The following PBX4 variants were observed in gnomAD, a reference collection of about 807,000 sequenced individuals.
PBX4 encodes the protein PBX homeobox 4, also known as pre-B-cell leukemia transcription factor 4.
PBX4 carries 26 observed loss-of-function variants against 35.1 expected under a neutral mutation model. That is an observed-to-expected ratio of 0.74 (90% CI 0.54 to 1.03). PBX4 has a LOEUF of 1.03. Among genes scored for constraint, PBX4 ranks in the 50% least tolerant of loss-of-function variants. The pLI is 0.00. For missense variants in PBX4, 448 were observed against 504.3 expected (o/e 0.89, Z 1.07); for synonymous variants, 199 against 204.2 (o/e 0.97, Z 0.22).
At chr19:19,605,416 AAAT>A (rs34936775) in intron 1 of PBX4, among the ~76,000 whole-genome samples, 1,982 of 139,330 alleles carry the variant, frequency 0.014, 47 homozygotes, top group African/African-American at 0.046. Flanking sequence ...CTCTGTCTCA[AAAT>A]AATAATAATA....
At chr19:19,570,542 A>C in intron 3 of PBX4, 44 bp downstream of exon 3, 1 of 1,603,304 alleles carries the variant, frequency 6.2e-7, no homozygotes, top group Non-Finnish European at 8.5e-7. Flanking sequence ...GCTTTGACAA[A>C]TGCGCATTCA....
At chr19:19,564,871 G>A (rs182188567) in intron 6 of PBX4, 62 bp downstream of exon 6, 1 of 1,601,950 alleles carries the variant, frequency 6.2e-7, no homozygotes, top group South Asian at 1.1e-5. Context: ...GGCCTCCCCA[G>A]ATGCAGCTCA....
chr19:19,599,431 A>G, intron 1 of PBX4, 66 bp from the exon 2 acceptor site: 1 of 1,393,536 alleles, frequency 7.2e-7, no homozygotes. Context: ...CCAAGAGTAA[A>G]GATCTTCCAT....
intron 2 of PBX4, among the ~76,000 whole-genome samples, chr19:19,572,656 G>C (rs186247883): frequency 6.6e-6 from 1 of 151,148 alleles, no homozygotes; most frequent in Admixed American, 6.6e-5. Context: ...CCTGAGGTCG[G>C]GAGTTCGAGA....
At position 19,570,299 on chromosome 19, in the gene PBX4, C is replaced by T; in HGVS notation, c.442G>A (p.Ala148Thr). The change falls in exon 4 of 8, where the codon GCC becomes ACC. Residue 148 changes from alanine to threonine, a missense_variant and splice_region_variant. By Grantham distance (58) the Ala-to-Thr change is moderately conservative. Coordinates refer to ENST00000251203, the MANE Select transcript of PBX4 (RefSeq NM_025245.3). ...ACGTGCGTGGTGAACTCACGACAGG[C>T]CTGGGGTGGGAGCACAGACACGCCG... Reference protein sequence around the residue: ...YHSELEKYEQACREFTTHVTN... With the variant: ...YHSELEKYEQTCREFTTHVTN... 1.3e-6 allele frequency: 2 copies of T among 1,597,382 alleles called. No individual in the cohort carries two copies. The highest frequency in any genetic ancestry group is 1.7e-6 in the Non-Finnish European group (2 of 1,169,180).
intron 1 of PBX4, chr19:19,608,018 T>C (rs2061641031): frequency 6.6e-6 from 1 of 152,120 alleles, no homozygotes; most frequent in Non-Finnish European, 1.5e-5. Flanking sequence ...CAAACCTAGG[T>C]ACAAACAAAA....
At position 19,618,641 on chromosome 19, in the gene PBX4, C is replaced by T; in HGVS notation, c.-12G>A. ...GGCGGGGCGGCCATGAGCGGCAGGGCCGGGCGGGCGCTGTGAGGGTGCCGT... is the reference window on the plus strand; with the variant it reads ...GGCGGGGCGGCCATGAGCGGCAGGGTCGGGCGGGCGCTGTGAGGGTGCCGT... On this transcript the variant is annotated 5_prime_UTR_variant, in exon 1 of 8. Transcript: ENST00000251203. The T allele has an allele frequency of 1.6e-6, 2 of 1,214,758 alleles. No individual in the cohort carries two copies. The highest frequency in any genetic ancestry group is 3.5e-5 in the East Asian group (1 of 28,804). The allele number at this position is 1,214,758 out of a possible 1,614,324, so 75.2% of individuals were successfully genotyped here.
chr19:19,572,854 CAAAAAAA>C (rs36044843), intron 2 of PBX4, among the ~76,000 whole-genome samples: 14 of 70,094 alleles, frequency 2.0e-4, no homozygotes, highest in South Asian at 9.5e-4. Context: ...GACTCCGTCT[CAAAAAAA>C]AAAAAAAAAA....
At chr19:19,575,236 CAAA>C (rs34956246) in intron 2 of PBX4, among the ~76,000 whole-genome samples, 3 of 93,658 alleles carry the variant, frequency 3.2e-5, no homozygotes, top group Non-Finnish European at 4.3e-5. Context: ...GACTCTGTCT[CAAA>C]AAAAAAAAAA....
At chr19:19,581,955 C>T (rs1004334865) in intron 2 of PBX4, among the ~76,000 whole-genome samples, 22 of 152,226 alleles carry the variant, frequency 1.4e-4, no homozygotes, top group African/African-American at 5.1e-4. Flanking sequence ...GAAGTGGTAC[C>T]GCCTGATTCC....
chr19:19,576,320 G>A (rs2061419304), intron 2 of PBX4, among the ~76,000 whole-genome samples: 1 of 152,096 alleles, frequency 6.6e-6, no homozygotes. Context: ...CCGACTCCTT[G>A]GTTCAAGCAA....
At chr19:19,578,365 C>T (rs983485218) in intron 2 of PBX4, among the ~76,000 whole-genome samples, 10 of 152,134 alleles carry the variant, frequency 6.6e-5, no homozygotes, top group Non-Finnish European at 1.3e-4. Flanking sequence ...TCCTCAGCAC[C>T]GTGCCTTTGT....
In PBX4 at chr19:19,563,484, C is replaced by T. The variant is rs1485115360; in HGVS notation, c.1032+25G>A. On this transcript the variant is annotated intron_variant, in intron 7 of 7. Coordinates refer to ENST00000251203, the MANE Select transcript of PBX4 (RefSeq NM_025245.3). This position sits in a 1 kb window ranked among gnomAD's most constrained non-coding sequence, Gnocchi z 5.1. ...TGAGAACCTACCACCCACCTGGGCG[C>T]TGTGGGACAGTGCCTGAGACTCACC... is the stretch of plus-strand genomic sequence containing the variant. The T allele has an allele frequency of 1.1e-5, 16 of 1,514,576 alleles. No homozygotes were observed. The Admixed American group carries it at 2.2e-4, about 21-fold the overall frequency. 93.8% of individuals were successfully genotyped at this position (1,514,576 alleles called of 1,614,324 possible). A position where few individuals can be genotyped will look rare whatever the true frequency, so the allele number is the denominator to read the frequency against.
intron 1 of PBX4, among the ~76,000 whole-genome samples, chr19:19,604,496 C>T (rs1386718129): frequency 7.5e-6 from 1 of 133,866 alleles, no homozygotes; most frequent in Non-Finnish European, 1.6e-5. Context: ...AACTGGGGTG[C>T]AGAACTAAGA....
chr19:19,574,893 C>G (rs569084391), intron 2 of PBX4, among the ~76,000 whole-genome samples: 21 of 152,186 alleles, frequency 1.4e-4, no homozygotes, highest in African/African-American at 5.1e-4. Context: ...CCATGTTGAA[C>G]AGGCTGGTCT....
In PBX4 at chr19:19,562,188, A is replaced by G; in HGVS notation, c.1033-71T>C. 3 of 1,195,908 alleles carry G rather than the reference A, an allele frequency of 2.5e-6. No homozygotes were observed. The highest frequency in any genetic ancestry group is 3.6e-6 in the Non-Finnish European group (3 of 844,278). 74.1% of individuals were successfully genotyped at this position (1,195,908 alleles called of 1,614,324 possible). ...GGTGACTACCCAGCCCACGTGCTGC[A>G]GGCGGAGCCTCCAGGGGTCCCTGGG... On this transcript the variant is annotated intron_variant, in intron 7 of 7. Transcript: ENST00000251203. This position sits in a 1 kb window ranked among gnomAD's most constrained non-coding sequence, Gnocchi z 4.8.
chr19:19,570,058 C>T, intron 4 of PBX4, 51 bp downstream of exon 4: 1 of 1,520,554 alleles, frequency 6.6e-7, no homozygotes, highest in Admixed American at 2.0e-5. Flanking sequence ...CTATTTCCCT[C>T]CAGTCCCTCA....
intron 1 of PBX4, among the ~76,000 whole-genome samples, chr19:19,601,075 C>G (rs1452814206): frequency 6.6e-6 from 1 of 151,998 alleles, no homozygotes; most frequent in East Asian, 1.9e-4. Context: ...AGTGAGACAC[C>G]AAAAATACAC....
chr19:19,609,533 G>A (rs1416212879), intron 1 of PBX4, among the ~76,000 whole-genome samples: 1 of 94,276 alleles, frequency 1.1e-5, no homozygotes, highest in Admixed American at 1.4e-4. Flanking sequence ...TGGGCAACAA[G>A]AGCAAAAATC....
Sources: gnomAD v4.1 joint callset for allele counts (sites outside exome capture counted in the v4.1 genomes callset) on GRCh38, gnomAD v4.1.1 for gene constraint, Gnocchi (gnomAD v3.1) non-coding constraint, MANE v1.5 for transcripts, NCBI Gene and HGNC (gene_info 2026-07-23, HGNC 2026-07-21) for gene names.